Variants in HOOK3 observed in about 807,000 individuals in gnomAD.
The protein encoded by HOOK3 is protein Hook homolog 3.
A neutral mutation model predicts 116.3 loss-of-function variants in HOOK3; 24 were observed. That is an observed-to-expected ratio of 0.21 (90% CI 0.15 to 0.29). The LOEUF (loss-of-function observed/expected upper bound fraction) is 0.29. HOOK3 is among the 10% of genes least tolerant of loss of function. The pLI, the probability that HOOK3 is intolerant of heterozygous loss-of-function variation, is 1.00. For synonymous variants in HOOK3, 275 were observed against 283.0 expected (o/e 0.97, Z 0.28); for missense variants, 632 against 830.2 (o/e 0.76, Z 2.93).
rs1418370109 is a variant in HOOK3, at chr8:42,986,666, T to C, written c.1403T>C (p.Ile468Thr). The C allele has an allele frequency of 1.2e-6, 2 of 1,610,982 alleles. No individual in the cohort carries two copies. Among genetic ancestry groups the C allele is most frequent in the Non-Finnish European group, 1.7e-6 (2 of 1,178,962 alleles). ...IVTPEIREKL[I>T]RLQHENKMLK... ...TTTTGTTCATTCAGGGAGAAACTTATTCGTCTTCAGCATGAGAATAAGATG... is the reference window on the plus strand; with the variant it reads ...TTTTGTTCATTCAGGGAGAAACTTACTCGTCTTCAGCATGAGAATAAGATG... The change falls in exon 15 of 22, where the codon ATT (isoleucine) becomes ACT (threonine). Residue 468 changes from isoleucine to threonine, a missense_variant. This residue lies in a region of HOOK3 where 483 missense variants were observed against 648.1 expected (regional missense o/e 0.75). Coordinates refer to ENST00000307602, the MANE Select transcript of HOOK3 (RefSeq NM_032410.4).
At chr8:42,938,314 G>A (rs1808014691) in intron 4 of HOOK3, among the ~76,000 whole-genome samples, 1 of 150,398 alleles carries the variant, frequency 6.6e-6, no homozygotes, top group Non-Finnish European at 1.5e-5. Context: ...TGAGTTTCCT[G>A]AATACAGCAC....
rs2130503097 is a variant in HOOK3 at position 43,023,277 on chromosome 8, C to G, written c.*4779C>G. The G allele has an allele frequency of 5.6e-6, 1 of 177,492 alleles. No individual in the cohort carries two copies. Among genetic ancestry groups the G allele is most frequent in the East Asian group, 9.4e-5 (1 of 10,612 alleles). 11.0% of individuals were successfully genotyped at this position (177,492 alleles called of 1,614,324 possible). On this transcript the variant is annotated 3_prime_UTR_variant, in exon 22 of 22. Transcript: ENST00000307602. ...GTAGTTCTCACAGAAGAATGAAAATCCGTGCTGTGCAAATAGATCAGTAGT... is the reference window on the plus strand; with the variant it reads ...GTAGTTCTCACAGAAGAATGAAAATGCGTGCTGTGCAAATAGATCAGTAGT...
In HOOK3 at chr8:42,950,582, A is replaced by T. The variant is rs570520002; in HGVS notation, c.468+127A>T. On this transcript the variant is annotated intron_variant, in intron 6 of 21. Transcript: ENST00000307602. ...AAAGAGTTTTTACTTTGCATTTATGATATAGCTTTTCTTGTTTTTATTCTA... is the reference window on the plus strand; with the variant it reads ...AAAGAGTTTTTACTTTGCATTTATGTTATAGCTTTTCTTGTTTTTATTCTA... 4.1e-5 allele frequency: 22 copies of T among 531,394 alleles called. 1 individual carries two copies. The South Asian group carries it at 8.0e-4, about 19-fold the overall frequency. 32.9% of individuals were successfully genotyped at this position (531,394 alleles called of 1,614,324 possible).
intron 2 of HOOK3, among the ~76,000 whole-genome samples, chr8:42,916,799 A>C (rs1586589383): frequency 1.3e-5 from 2 of 152,302 alleles, no homozygotes; most frequent in South Asian, 4.1e-4. Context: ...TGAAACCTTT[A>C]AATACAAACC....
At chr8:42,974,506 T>C (rs984040882) in intron 13 of HOOK3, among the ~76,000 whole-genome samples, 16 of 152,076 alleles carry the variant, frequency 1.1e-4, no homozygotes, top group Admixed American at 1.0e-3. Context: ...CCCAAAGTGC[T>C]GGGATTATAG....
chr8:42,906,359 GT>G, intron 2 of HOOK3, 101 bp downstream of exon 2: 1 of 814,730 alleles, frequency 1.2e-6, no homozygotes, highest in South Asian at 1.5e-5. Flanking sequence ...CGTGTGTAGA[GT>G]AAGAGTTGTA....
Position 43,023,427 on chromosome 8 carries a change from T to C in HOOK3, c.*4929T>C, listed in dbSNP as rs573814257. ...CTTCCTTCCTTCCTTCCTTCCCTTCTTTTCTTTTTTCTTTTCTTTTCTTTT... is the reference window on the plus strand; with the variant it reads ...CTTCCTTCCTTCCTTCCTTCCCTTCCTTTCTTTTTTCTTTTCTTTTCTTTT... On this transcript the variant is annotated 3_prime_UTR_variant, in exon 22 of 22. Transcript: ENST00000307602. The C allele has an allele frequency of 2.7e-5, 4 of 148,784 alleles. No homozygotes were observed. The highest frequency in any genetic ancestry group is 2.4e-4 in the South Asian group (1 of 4,086). The allele number at this position is 148,784 out of a possible 1,614,324, so 9.2% of individuals were successfully genotyped here.
At chr8:42,979,941 A>C (rs1224718592) in intron 13 of HOOK3, among the ~76,000 whole-genome samples, 1 of 150,272 alleles carries the variant, frequency 6.7e-6, no homozygotes, top group African/African-American at 2.4e-5. Flanking sequence ...TCTCTACATG[A>C]GTTTTGTTTT....
intron 4 of HOOK3, among the ~76,000 whole-genome samples, chr8:42,937,003 G>A (rs1438830784): frequency 6.6e-6 from 1 of 152,146 alleles, no homozygotes; most frequent in Non-Finnish European, 1.5e-5. Flanking sequence ...GAATTCAGCT[G>A]TGAATCCATC....
Position 43,019,107 on chromosome 8 carries a change from A to G in HOOK3, c.*609A>G, listed in dbSNP as rs1210628441. 9.6e-6 allele frequency: 2 copies of G among 207,816 alleles called. No individual in the cohort carries two copies. The highest frequency in any genetic ancestry group is 7.5e-5 in the East Asian group (1 of 13,332). The allele number at this position is 207,816 out of a possible 1,614,324, so 12.9% of individuals were successfully genotyped here. On this transcript the variant is annotated 3_prime_UTR_variant, in exon 22 of 22. Coordinates refer to ENST00000307602, the MANE Select transcript of HOOK3 (RefSeq NM_032410.4). Reference sequence around the variant, plus strand: ...AAAAAATGAGTTTTCACATTGTTTTATAGGAAATTAAATTTGTCCAAAGAT... The same window carrying G: ...AAAAAATGAGTTTTCACATTGTTTTGTAGGAAATTAAATTTGTCCAAAGAT...
At chr8:42,916,537 CAGAG>C (rs1807536720) in intron 2 of HOOK3, among the ~76,000 whole-genome samples, 1 of 152,122 alleles carries the variant, frequency 6.6e-6, no homozygotes, top group Non-Finnish European at 1.5e-5. Flanking sequence ...TTATAAGACC[CAGAG>C]AGACATTAAG....
chr8:43,022,606 G>A lies in HOOK3; in HGVS notation c.*4108G>A, dbSNP rs1396840696. On this transcript the variant is annotated 3_prime_UTR_variant, in exon 22 of 22. Coordinates refer to ENST00000307602, the MANE Select transcript of HOOK3 (RefSeq NM_032410.4). The stretch of plus-strand genomic sequence containing the variant: ...TTTGTAATCCAGAAAATATAGTAGT[G>A]TATAATATCTGAAAAGAGAATCAAG... The A allele has an allele frequency of 1.6e-5, 3 of 184,894 alleles. No individual in the cohort carries two copies. Among genetic ancestry groups the A allele is most frequent in the Non-Finnish European group, 3.4e-5 (3 of 87,350 alleles). 11.5% of individuals were successfully genotyped at this position (184,894 alleles called of 1,614,324 possible).
At chr8:42,907,351 G>A (rs1028945120) in intron 2 of HOOK3, among the ~76,000 whole-genome samples, 5 of 152,170 alleles carry the variant, frequency 3.3e-5, no homozygotes, top group Non-Finnish European at 7.3e-5. Context: ...GGGGACTCGT[G>A]TTTGAACATT....
At chr8:42,931,667 C>T (rs924434538) in intron 4 of HOOK3, among the ~76,000 whole-genome samples, 1 of 151,616 alleles carries the variant, frequency 6.6e-6, no homozygotes, top group African/African-American at 2.4e-5. Flanking sequence ...CTCCTGACCT[C>T]GTGATCTGCC....
At chr8:42,983,822 A>C (rs1808997880) in intron 14 of HOOK3, among the ~76,000 whole-genome samples, 1 of 152,178 alleles carries the variant, frequency 6.6e-6, no homozygotes, top group African/African-American at 2.4e-5. Context: ...GTAAAAATGA[A>C]AAATAAGTGG....
chr8:42,958,371 T>C (rs1808473557), intron 7 of HOOK3, among the ~76,000 whole-genome samples: 1 of 152,082 alleles, frequency 6.6e-6, no homozygotes, highest in Non-Finnish European at 1.5e-5. Context: ...ACAATAAAAT[T>C]TTCTTTTAAT....
intron 2 of HOOK3, among the ~76,000 whole-genome samples, chr8:42,911,065 C>T (rs1411472629): frequency 6.6e-6 from 1 of 152,080 alleles, no homozygotes; most frequent in South Asian, 2.1e-4. Context: ...AGGAAAGGTG[C>T]GAGTGGTTAC....
intron 2 of HOOK3, among the ~76,000 whole-genome samples, chr8:42,924,618 T>C (rs62515916): frequency 6.6e-6 from 1 of 152,028 alleles, no homozygotes; most frequent in African/African-American, 2.4e-5. Flanking sequence ...GGTGGTGGAG[T>C]TCATTGAAAT....
At chr8:42,905,577 C>T (rs1456018453) in intron 1 of HOOK3, among the ~76,000 whole-genome samples, 1 of 151,904 alleles carries the variant, frequency 6.6e-6, no homozygotes, top group Non-Finnish European at 1.5e-5. Context: ...AGGGGATGAA[C>T]GTGCCGTGAT....
Sources: allele counts gnomAD v4.1 joint callset (sites outside exome capture counted in the v4.1 genomes callset), GRCh38; gene constraint gnomAD v4.1.1; regional missense constraint gnomAD v4.1.1; transcripts MANE v1.5; gene names NCBI Gene and HGNC (gene_info 2026-07-23, HGNC 2026-07-21).